ITPKB: variants seen among roughly 807,000 people sequenced by gnomAD.
ITPKB encodes inositol-trisphosphate 3-kinase B.
Under a neutral mutation model 69.4 loss-of-function variants are expected in ITPKB, and 13 were observed. That is an observed-to-expected ratio of 0.19 (90% confidence interval 0.12 to 0.30). ITPKB has a LOEUF of 0.30. Among genes scored for constraint, ITPKB ranks in the 10% least tolerant of loss-of-function variants. The pLI is 1.00. For synonymous variants in ITPKB, 584 were observed against 513.7 expected, an observed-to-expected ratio of 1.14 and a Z score of -1.85; for missense variants, 1,240 against 1,250.5, an observed-to-expected ratio of 0.99 and a Z score of 0.13.
chr1:226,635,502 G>A (rs781425246), intron 7 of ITPKB, among the ~76,000 whole-genome samples: 1 of 152,108 alleles, frequency 6.6e-6, no homozygotes, highest in Non-Finnish European at 1.5e-5. Flanking sequence ...CTGAGATTAC[G>A]GGCATGAATC....
At position 226,637,499 on chromosome 1, in the gene ITPKB, G is replaced by A. The variant is rs1316400637; in HGVS notation, c.2625+180C>T. ...GGTCTCAGGCAGGACAGCCCGTGTG[G>A]TCACCCCAGGAAGCATTGAGACGCA... On this transcript the variant is annotated intron_variant, in intron 7 of 7. Transcript: ENST00000429204. The surrounding 1 kb of genome is among the most constrained non-coding windows in gnomAD (Gnocchi z 4.3). Among the ~76,000 whole-genome samples, 1 of 152,216 alleles carries A rather than the reference G, an allele frequency of 6.6e-6. No individual in the cohort carries two copies. The highest frequency in any genetic ancestry group is 1.5e-5 in the Non-Finnish European group (1 of 68,032).
chr1:226,663,349 T>C (rs1217675245), intron 2 of ITPKB, among the ~76,000 whole-genome samples: 1 of 151,990 alleles, frequency 6.6e-6, no homozygotes, highest in Non-Finnish European at 1.5e-5. Context: ...TAGGTTTGTG[T>C]CCCAATCGGG....
intron 2 of ITPKB, among the ~76,000 whole-genome samples, chr1:226,732,410 G>C (rs1317424037): frequency 6.6e-6 from 1 of 151,986 alleles, no homozygotes; most frequent in Admixed American, 6.6e-5. Flanking sequence ...GCTAATTTTT[G>C]TATTTTTAGT....
At chr1:226,708,965 G>A (rs574593833) in intron 2 of ITPKB, among the ~76,000 whole-genome samples, 20 of 152,224 alleles carry the variant, frequency 1.3e-4, no homozygotes, top group South Asian at 8.3e-4. Context: ...TAAGGGAGAC[G>A]GAAGAAGACA....
At position 226,660,785 on chromosome 1, in the gene ITPKB, C is replaced by A. The variant is rs79562134; in HGVS notation, c.1933-12014G>T. On this transcript the variant is annotated intron_variant, in intron 2 of 7. Coordinates refer to ENST00000429204, the MANE Select transcript of ITPKB (RefSeq NM_002221.4). ...AAAGGGGCTGGGGAAGAGCACGAGG[C>A]GGATGGGCAGCCTTTCGAGGCTGAC... 4.8e-3 allele frequency among the ~76,000 whole-genome samples: 727 copies of A among 152,276 alleles called. 16 individuals carry two copies. The East Asian group carries it at 0.055, about 12-fold the overall frequency.
intron 6 of ITPKB, 91 bp downstream of exon 6, chr1:226,639,466 G>T: frequency 2.3e-6 from 2 of 866,036 alleles, no homozygotes; most frequent in Non-Finnish European, 4.0e-6. Flanking sequence ...CCCTGGGGGT[G>T]CCTTGTCCTC....
At chr1:226,657,532 C>T (rs945691054) in intron 2 of ITPKB, among the ~76,000 whole-genome samples, 24 of 152,106 alleles carry the variant, frequency 1.6e-4, no homozygotes, top group African/African-American at 5.8e-4. Flanking sequence ...TCTAAAATAT[C>T]AGAAATGGGA....
At chr1:226,704,427 G>A (rs1273250766) in intron 2 of ITPKB, among the ~76,000 whole-genome samples, 1 of 152,174 alleles carries the variant, frequency 6.6e-6, no homozygotes, top group Non-Finnish European at 1.5e-5. Flanking sequence ...CTGTAAAAAA[G>A]CTTCTCGTGT....
At chr1:226,699,113 A>G (rs1410926939) in intron 2 of ITPKB, among the ~76,000 whole-genome samples, 2 of 152,192 alleles carry the variant, frequency 1.3e-5, no homozygotes, top group African/African-American at 2.4e-5. Context: ...TAGTATGCTG[A>G]TAATAAGGTC....
chr1:226,717,469 G>A (rs1283199825), intron 2 of ITPKB, among the ~76,000 whole-genome samples: 1 of 152,106 alleles, frequency 6.6e-6, no homozygotes, highest in Non-Finnish European at 1.5e-5. Flanking sequence ...AGAGACAAAG[G>A]GAAGCACCAG....
intron 2 of ITPKB, among the ~76,000 whole-genome samples, chr1:226,687,577 C>T (rs754977277): frequency 1.1e-4 from 16 of 152,208 alleles, no homozygotes; most frequent in Non-Finnish European, 2.1e-4. Flanking sequence ...AGCTCAGAAA[C>T]CACATCTGCT....
At chr1:226,668,306 CCT>C (rs922640272) in intron 2 of ITPKB, among the ~76,000 whole-genome samples, 5 of 152,120 alleles carry the variant, frequency 3.3e-5, no homozygotes, top group African/African-American at 1.2e-4. Flanking sequence ...AAAGCCAGCC[CCT>C]GACACCCGTG....
rs1668797231 is a variant in ITPKB, at chr1:226,634,905, T to C, written c.2626-19A>G. 3.1e-6 allele frequency: 5 copies of C among 1,596,566 alleles called. No individual in the cohort carries two copies. The highest frequency in any genetic ancestry group is 1.7e-4 in the Middle Eastern group (1 of 6,010). On this transcript the variant is annotated intron_variant, in intron 7 of 7. Transcript: ENST00000429204. The surrounding 1 kb of genome is among the most constrained non-coding windows in gnomAD (Gnocchi z 6.3). ...CAATGACCTGAGGAGAACATGGGGGTGAAGGGTGAGCTGAAGCCCGGGCCT... is the reference window on the plus strand; with the variant it reads ...CAATGACCTGAGGAGAACATGGGGGCGAAGGGTGAGCTGAAGCCCGGGCCT...
intron 2 of ITPKB, among the ~76,000 whole-genome samples, chr1:226,733,274 A>AC (rs1178634135): frequency 6.6e-6 from 1 of 152,176 alleles, no homozygotes. Context: ...AGAGAATGCT[A>AC]CATCAGTTTG....
intron 2 of ITPKB, among the ~76,000 whole-genome samples, chr1:226,701,619 A>AC (rs1389746334): frequency 6.7e-6 from 1 of 149,406 alleles, no homozygotes; most frequent in Non-Finnish European, 1.5e-5. Flanking sequence ...AAAAAAAAAA[A>AC]AAAAAAAAAA....
chr1:226,722,178 A>T (rs1274127147), intron 2 of ITPKB, among the ~76,000 whole-genome samples: 1 of 152,196 alleles, frequency 6.6e-6, no homozygotes, highest in Non-Finnish European at 1.5e-5. Flanking sequence ...CTACAGTCAG[A>T]GGCCAGGCTC....
intron 2 of ITPKB, among the ~76,000 whole-genome samples, chr1:226,699,720 T>G (rs151102870): frequency 2.0e-5 from 3 of 151,996 alleles, no homozygotes; most frequent in African/African-American, 7.2e-5. Flanking sequence ...CAGAGCTTCA[T>G]TAATTAAAAA....
intron 2 of ITPKB, chr1:226,707,627 T>C: frequency 1.0e-6 from 1 of 994,298 alleles, no homozygotes; most frequent in South Asian, 4.5e-5. Flanking sequence ...AAATAGGCAG[T>C]GTACACATGA....
intron 2 of ITPKB, chr1:226,707,718 A>C: frequency 9.6e-7 from 1 of 1,037,388 alleles, no homozygotes. Flanking sequence ...ACTTCAAGGG[A>C]CAGTAAGACA....
Sources: gnomAD v4.1 joint callset for allele counts (sites outside exome capture counted in the v4.1 genomes callset) on GRCh38, gnomAD v4.1.1 for gene constraint, Gnocchi (gnomAD v3.1) non-coding constraint, MANE v1.5 for transcripts, NCBI Gene and HGNC (gene_info 2026-07-23, HGNC 2026-07-21) for gene names.